The following GPC5 variants were observed in gnomAD, a reference collection of about 807,000 sequenced individuals.
GPC5 encodes glypican-5.
Under a neutral mutation model 53.9 loss-of-function variants are expected in GPC5, and 47 were observed. The observed-to-expected ratio is 0.87, with a 90% CI of 0.69 to 1.11. The LOEUF (loss-of-function observed/expected upper bound fraction) is 1.11. GPC5 is among the 50% of genes most tolerant of loss of function. The pLI is 0.00. For synonymous variants in GPC5, 286 were observed against 263.3 expected (o/e 1.09, Z -0.84); for missense variants, 748 against 713.1 (o/e 1.05, Z -0.56).
chr13:92,415,235 G>A (rs891117673), intron 7 of GPC5, among the ~76,000 whole-genome samples: 2 of 152,154 alleles, frequency 1.3e-5, no homozygotes, highest in Non-Finnish European at 2.9e-5. Context: ...TTAAACAGAA[G>A]CATTATTTTT....
intron 7 of GPC5, among the ~76,000 whole-genome samples, chr13:92,367,889 A>G (rs761231497): frequency 2.3e-4 from 35 of 152,126 alleles, no homozygotes; most frequent in Admixed American, 6.5e-5. Flanking sequence ...GAGTTCCAAG[A>G]TAGTCCTTCT....
chr13:92,280,485 T>C (rs2042906749), intron 7 of GPC5, among the ~76,000 whole-genome samples: 1 of 152,216 alleles, frequency 6.6e-6, no homozygotes, highest in Admixed American at 6.5e-5. Context: ...TGTAGGCATT[T>C]ATAGCTGTAA....
At chr13:92,033,897 T>C (rs995770733) in intron 6 of GPC5, among the ~76,000 whole-genome samples, 11 of 152,286 alleles carry the variant, frequency 7.2e-5, no homozygotes, top group African/African-American at 2.6e-4. Context: ...CACTAATAGT[T>C]GTGACCACCG....
At chr13:92,143,327 AT>A (rs1374583441) in intron 6 of GPC5, among the ~76,000 whole-genome samples, 1 of 152,130 alleles carries the variant, frequency 6.6e-6, no homozygotes, top group African/African-American at 2.4e-5. Flanking sequence ...ATTCATCATT[AT>A]TTATCATTTA....
chr13:92,753,734 G>A (rs917598993), intron 7 of GPC5, among the ~76,000 whole-genome samples: 5 of 151,990 alleles, frequency 3.3e-5, no homozygotes, highest in East Asian at 1.9e-4. Context: ...TATCAGCAAT[G>A]GAAGATGAAA....
At chr13:92,183,560 T>G (rs945474788) in intron 7 of GPC5, among the ~76,000 whole-genome samples, 4 of 152,166 alleles carry the variant, frequency 2.6e-5, no homozygotes, top group African/African-American at 9.7e-5. Context: ...AAAATATAGT[T>G]AGCAATTTTG....
chr13:91,623,364 C>A (rs1231480038), intron 2 of GPC5, among the ~76,000 whole-genome samples: 1 of 152,068 alleles, frequency 6.6e-6, no homozygotes, highest in East Asian at 1.9e-4. Context: ...GAAAGTCCCT[C>A]ACAGCATGAG....
intron 7 of GPC5, among the ~76,000 whole-genome samples, chr13:92,860,682 TA>T (rs1879152648): frequency 6.6e-6 from 1 of 152,082 alleles, no homozygotes; most frequent in Non-Finnish European, 1.5e-5. Context: ...TTTAACATAA[TA>T]AGATTCGTAG....
At position 91,466,100 on chromosome 13, in the gene GPC5, T is replaced by C. The variant is rs547913295; in HGVS notation, c.325+17178T>C. Among the ~76,000 whole-genome samples, 9 of 152,294 alleles carry C rather than the reference T, an allele frequency of 5.9e-5. No individual in the cohort carries two copies. The South Asian group carries it at 1.4e-3, about 25-fold the overall frequency. ...AAGGCCAGGCCACGAGCCAAGGCCATGGTGCCCAGTCAAGGAGCAGATGTC... is the reference window on the plus strand; with the variant it reads ...AAGGCCAGGCCACGAGCCAAGGCCACGGTGCCCAGTCAAGGAGCAGATGTC... On this transcript the variant is annotated intron_variant, in intron 2 of 7. Transcript: ENST00000377067.
At chr13:91,727,739 G>A (rs1373553227) in intron 3 of GPC5, among the ~76,000 whole-genome samples, 1 of 152,062 alleles carries the variant, frequency 6.6e-6, no homozygotes, top group Non-Finnish European at 1.5e-5. Context: ...GAAAAATTAG[G>A]ACCAGAACCA....
At chr13:91,424,893 G>A (rs945465990) in intron 1 of GPC5, among the ~76,000 whole-genome samples, 3 of 152,116 alleles carry the variant, frequency 2.0e-5, no homozygotes, top group Admixed American at 6.5e-5. Context: ...GACAAGCAAA[G>A]GTACTAATTA....
intron 6 of GPC5, among the ~76,000 whole-genome samples, chr13:92,114,203 A>G (rs1326559408): frequency 6.6e-6 from 1 of 152,192 alleles, no homozygotes; most frequent in African/African-American, 2.4e-5. Flanking sequence ...CTTCTTTGAC[A>G]TGTGCACAGC....
Position 91,868,235 on chromosome 13 carries a change from T to G in GPC5, c.1281-39702T>G, listed in dbSNP as rs549235400. Among the ~76,000 whole-genome samples the G allele has an allele frequency of 5.0e-4, 76 of 152,274 alleles. 1 individual carries two copies. The highest frequency in any genetic ancestry group is 5.0e-3 in the Admixed American group (76 of 15,286). ...AGGAATTAGCCTTTAGTGAAGAATT[T>G]AGGAACTGGTCAACCATGTCAGAAA... On this transcript the variant is annotated intron_variant, in intron 5 of 7. Coordinates refer to ENST00000377067, the MANE Select transcript of GPC5 (RefSeq NM_004466.6).
chr13:91,584,428 C>A (rs1443197456), intron 2 of GPC5, among the ~76,000 whole-genome samples: 1 of 151,950 alleles, frequency 6.6e-6, no homozygotes, highest in African/African-American at 2.4e-5. Flanking sequence ...AACATACATA[C>A]AAAAAATCAA....
intron 6 of GPC5, among the ~76,000 whole-genome samples, chr13:91,954,299 G>A (rs950520156): frequency 6.6e-6 from 1 of 152,018 alleles, no homozygotes. Flanking sequence ...AAAAATAACA[G>A]CCCATTTTCT....
intron 3 of GPC5, among the ~76,000 whole-genome samples, chr13:91,724,275 G>A (rs1366100036): frequency 2.6e-5 from 4 of 151,968 alleles, no homozygotes; most frequent in Non-Finnish European, 5.9e-5. Flanking sequence ...AAGGATACAT[G>A]CAGACTCATG....
chr13:92,325,251 A>T (rs565508300), intron 7 of GPC5, among the ~76,000 whole-genome samples: 1 of 152,162 alleles, frequency 6.6e-6, no homozygotes, highest in East Asian at 1.9e-4. Flanking sequence ...GGATATAGAA[A>T]GTTACTACGG....
At chr13:91,715,770 G>T (rs1315342357) in intron 3 of GPC5, among the ~76,000 whole-genome samples, 8 of 132,818 alleles carry the variant, frequency 6.0e-5, no homozygotes, top group Non-Finnish European at 1.3e-4. Context: ...TTAAGATAGG[G>T]TCTCTCTCTC....
chr13:92,167,068 G>A (rs181635108), intron 7 of GPC5, among the ~76,000 whole-genome samples: 1 of 151,722 alleles, frequency 6.6e-6, no homozygotes, highest in East Asian at 1.9e-4. Flanking sequence ...TGTAGGGAAT[G>A]GAATGTAAAT....
Sources: allele counts gnomAD v4.1 joint callset (sites outside exome capture counted in the v4.1 genomes callset), GRCh38; gene constraint gnomAD v4.1.1; transcripts MANE v1.5; gene names NCBI Gene and HGNC (gene_info 2026-07-23, HGNC 2026-07-21).